CEP43: variants seen among roughly 807,000 people sequenced by gnomAD.
The protein encoded by CEP43 is FGFR1 oncogene partner.
A neutral mutation model predicts 52.6 loss-of-function variants in CEP43; 36 were observed. That is an observed-to-expected ratio of 0.68 (90% CI 0.52 to 0.90). CEP43 has a LOEUF of 0.90. Among genes scored for constraint, CEP43 ranks in the 40% least tolerant of loss-of-function variants. The probability of loss-of-function intolerance (pLI) is 0.00; values close to 1 mark genes in which losing one functional copy is unlikely to be tolerated. For missense variants in CEP43, 506 were observed against 472.8 expected, an observed-to-expected ratio of 1.07 and a Z score of -0.65; for synonymous variants, 192 against 172.4, an observed-to-expected ratio of 1.11 and a Z score of -0.89.
intron 12 of CEP43, chr6:167,036,441 T>G: frequency 1.0e-6 from 1 of 985,386 alleles, no homozygotes. Flanking sequence ...GAGGGTAGTC[T>G]CTGCACGGGA....
Position 167,048,820 on chromosome 6 carries a change from T to G in CEP43, c.*8842T>G, listed in dbSNP as rs1195527794. 2.0e-5 allele frequency: 3 copies of G among 152,250 alleles called. No individual in the cohort carries two copies. Among genetic ancestry groups the G allele is most frequent in the African/African-American group, 7.2e-5 (3 of 41,466 alleles). 9.4% of individuals were successfully genotyped at this position (152,250 alleles called of 1,614,324 possible). On this transcript the variant is annotated 3_prime_UTR_variant, in exon 13 of 13. Coordinates refer to ENST00000366847, the MANE Select transcript of CEP43 (RefSeq NM_007045.4). ...GTCATTGAAAGAGCATGTACATCAC[T>G]AAATGTTCTTAGTCACTGAAAGTGT...
intron 5 of CEP43, among the ~76,000 whole-genome samples, chr6:167,009,158 A>G (rs1779921941): frequency 6.6e-6 from 1 of 151,294 alleles, no homozygotes; most frequent in Non-Finnish European, 1.5e-5. Flanking sequence ...TTGGGAGGCC[A>G]AGGCGGGTGG....
At position 167,042,940 on chromosome 6, in the gene CEP43, A is replaced by T. The variant is rs1194724924; in HGVS notation, c.*2962A>T. ...TGAGCTTGGCATCTTTGGGGCTGTAAACAGGCTTGAGCACTGACATGGGGC... is the reference window on the plus strand; with the variant it reads ...TGAGCTTGGCATCTTTGGGGCTGTATACAGGCTTGAGCACTGACATGGGGC... On this transcript the variant is annotated 3_prime_UTR_variant, in exon 13 of 13. Coordinates refer to ENST00000366847, the MANE Select transcript of CEP43 (RefSeq NM_007045.4). 6.6e-6 allele frequency: 1 copy of T among 152,008 alleles called. No individual in the cohort carries two copies. Among genetic ancestry groups the T allele is most frequent in the Admixed American group, 6.6e-5 (1 of 15,216 alleles). 9.4% of individuals were successfully genotyped at this position (152,008 alleles called of 1,614,324 possible).
chr6:167,008,540 C>A (rs1046114676), intron 5 of CEP43, among the ~76,000 whole-genome samples: 1 of 152,072 alleles, frequency 6.6e-6, no homozygotes, highest in African/African-American at 2.4e-5. Context: ...TCTCAACTCA[C>A]TGCTGCAAGC....
chr6:167,025,766 T>G (rs926574199), intron 9 of CEP43, among the ~76,000 whole-genome samples: 2 of 152,220 alleles, frequency 1.3e-5, no homozygotes, highest in African/African-American at 4.8e-5. Context: ...TACTGCCACC[T>G]TTAAGAAAGG....
intron 12 of CEP43, among the ~76,000 whole-genome samples, chr6:167,039,303 T>G (rs948848143): frequency 6.6e-6 from 1 of 152,130 alleles, no homozygotes; most frequent in African/African-American, 2.4e-5. Context: ...CTAATTTTTG[T>G]ATTTTTGTAG....
intron 10 of CEP43, among the ~76,000 whole-genome samples, chr6:167,031,576 T>C (rs1342880688): frequency 6.6e-6 from 1 of 152,220 alleles, no homozygotes; most frequent in African/African-American, 2.4e-5. Context: ...GTCTGACCGA[T>C]TTAGAGACAG....
chr6:167,029,506 C>A (rs2237275), intron 10 of CEP43, among the ~76,000 whole-genome samples: 63,400 of 151,592 alleles, frequency 0.42, 13,408 homozygotes, highest in Non-Finnish European at 0.47. Context: ...GCATTACGTC[C>A]CCACTCAGAA....
In CEP43 at chr6:167,041,885, G is replaced by A. The variant is rs1780705246; in HGVS notation, c.*1907G>A. Reference sequence around the variant, plus strand: ...GTCACTCAGACTGGAGTACAGTGATGCGATCTCGGCTCACTGCAACCTCCG... The same window carrying A: ...GTCACTCAGACTGGAGTACAGTGATACGATCTCGGCTCACTGCAACCTCCG... On this transcript the variant is annotated 3_prime_UTR_variant, in exon 13 of 13. Transcript: ENST00000366847. The A allele has an allele frequency of 1.2e-6, 1 of 819,232 alleles. No homozygotes were observed. Among genetic ancestry groups the A allele is most frequent in the Non-Finnish European group, 1.5e-6 (1 of 670,568 alleles). 50.7% of individuals were successfully genotyped at this position (819,232 alleles called of 1,614,324 possible).
rs1479103968 is a variant in CEP43 at position 167,045,815 on chromosome 6, CTTTG to C, written c.*5842_*5845del. The C allele has an allele frequency of 6.6e-6, 1 of 152,210 alleles. No homozygotes were observed. Among genetic ancestry groups the C allele is most frequent in the Non-Finnish European group, 1.5e-5 (1 of 68,042 alleles). The allele number at this position is 152,210 out of a possible 1,614,324, so 9.4% of individuals were successfully genotyped here. A position where few individuals can be genotyped will look rare whatever the true frequency, so the allele number is the denominator to read the frequency against. On this transcript the variant is annotated 3_prime_UTR_variant, in exon 13 of 13. Coordinates refer to ENST00000366847, the MANE Select transcript of CEP43 (RefSeq NM_007045.4). ...CTATTGGATATACCTCTTAATCATA[CTTTG>C]TTTGAAATCCTTTGTGGTTTCTAAA...
intron 5 of CEP43, 107 bp from the exon 6 acceptor site, chr6:167,010,706 A>G: frequency 1.9e-6 from 1 of 517,756 alleles, no homozygotes; most frequent in Non-Finnish European, 3.2e-6. Context: ...GAAATAAAAT[A>G]CCAACATTGT....
intron 5 of CEP43, among the ~76,000 whole-genome samples, chr6:167,006,858 A>T (rs1016908441): frequency 2.0e-5 from 3 of 152,210 alleles, no homozygotes; most frequent in African/African-American, 7.2e-5. Flanking sequence ...CCAGCTCTTC[A>T]CAAAACATAC....
In CEP43 at chr6:167,047,880, A is replaced by G. The variant is rs945606649; in HGVS notation, c.*7902A>G. 11 of 152,170 alleles carry G rather than the reference A, an allele frequency of 7.2e-5. No individual in the cohort carries two copies. Among genetic ancestry groups the G allele is most frequent in the African/African-American group, 2.4e-4 (10 of 41,434 alleles). 9.4% of individuals were successfully genotyped at this position (152,170 alleles called of 1,614,324 possible). ...CACGGTGGATGCCGTAAGTGTTTAC[A>G]CTGAAAAGGATTTTCACGAAAACCT... On this transcript the variant is annotated 3_prime_UTR_variant, in exon 13 of 13. Transcript: ENST00000366847.
At chr6:167,034,420 A>T (rs1780540710) in intron 12 of CEP43, among the ~76,000 whole-genome samples, 1 of 152,224 alleles carries the variant, frequency 6.6e-6, no homozygotes, top group Non-Finnish European at 1.5e-5. Flanking sequence ...AGGAGACAAG[A>T]CAGTAGGCCA....
intron 12 of CEP43, among the ~76,000 whole-genome samples, chr6:167,038,776 G>A (rs565947253): frequency 6.6e-6 from 1 of 152,264 alleles, no homozygotes; most frequent in South Asian, 2.1e-4. Flanking sequence ...ATACTTTACA[G>A]CAACAGTTTT....
chr6:167,031,352 G>T (rs1227339976), intron 10 of CEP43, among the ~76,000 whole-genome samples: 5 of 152,152 alleles, frequency 3.3e-5, no homozygotes, highest in African/African-American at 1.2e-4. Flanking sequence ...CTACCTTGGA[G>T]TTCTTCCCAA....
intron 11 of CEP43, among the ~76,000 whole-genome samples, chr6:167,033,333 A>T (rs1780515656): frequency 6.6e-6 from 1 of 151,232 alleles, no homozygotes; most frequent in African/African-American, 2.4e-5. Context: ...CTGGTCTCGA[A>T]CTCCTGACCT....
chr6:167,008,369 A>G (rs940702238), intron 5 of CEP43, among the ~76,000 whole-genome samples: 3 of 152,152 alleles, frequency 2.0e-5, no homozygotes, highest in African/African-American at 7.2e-5. Context: ...CCTTCTGTCA[A>G]AGTTGTAGTA....
At chr6:167,028,463 A>G (rs1025135188) in intron 10 of CEP43, 1 of 985,136 alleles carries the variant, frequency 1.0e-6, no homozygotes, top group Admixed American at 6.1e-5. Flanking sequence ...TTAGCTAGGC[A>G]TTAGGATTCA....
Sources: allele counts gnomAD v4.1 joint callset (sites outside exome capture counted in the v4.1 genomes callset), GRCh38; gene constraint gnomAD v4.1.1; transcripts MANE v1.5; gene names NCBI Gene and HGNC (gene_info 2026-07-23, HGNC 2026-07-21).